MKLN1: variants seen among roughly 807,000 people sequenced by gnomAD.
MKLN1 encodes the protein muskelin.
A neutral mutation model predicts 99.0 loss-of-function variants in MKLN1; 18 were observed. The ratio of observed to expected loss-of-function variants is 0.18; its 90% CI spans 0.13 to 0.27. MKLN1 has a LOEUF of 0.27. Ranked by LOEUF, MKLN1 falls within the 10% of genes least tolerant of loss-of-function variation. The pLI, the probability that MKLN1 is intolerant of heterozygous loss-of-function variation, is 1.00. For missense variants in MKLN1, 621 were observed against 875.9 expected (o/e 0.71, Z 3.67); for synonymous variants, 288 against 293.2 (o/e 0.98, Z 0.18).
chr7:131,112,343 A>G (rs1795214228), intron 1 of MKLN1, among the ~76,000 whole-genome samples: 1 of 152,220 alleles, frequency 6.6e-6, no homozygotes, highest in African/African-American at 2.4e-5. Flanking sequence ...GGATTTTGCA[A>G]TGTTAAATTT....
chr7:131,226,418 G>A (rs1041290600), intron 3 of MKLN1, among the ~76,000 whole-genome samples: 2 of 152,334 alleles, frequency 1.3e-5, no homozygotes, highest in South Asian at 4.1e-4. Flanking sequence ...TTTCAGAGCC[G>A]TGACAGCCTC....
In MKLN1 at chr7:131,158,720, T is replaced by A. The variant is rs561005559; in HGVS notation, c.-297+15779T>A. On this transcript the variant is annotated intron_variant, in intron 2 of 7. Coordinates refer to the MKLN1 transcript ENST00000416992. The stretch of plus-strand genomic sequence containing the variant: ...ACCTTTATGAAAAGGACTGAGCACA[T>A]GGTAGAATAGAAAATGGTGCAAAAA... Among the ~76,000 whole-genome samples, 8 of 152,322 alleles carry A rather than the reference T, an allele frequency of 5.3e-5. 1 individual carries two copies. The South Asian group carries it at 1.7e-3, about 32-fold the overall frequency.
At chr7:131,243,435 C>T (rs1797437942) in intron 3 of MKLN1, among the ~76,000 whole-genome samples, 2 of 152,172 alleles carry the variant, frequency 1.3e-5, no homozygotes, top group African/African-American at 4.8e-5. Context: ...TACCCGCTTG[C>T]AACACATGAT....
At chr7:131,398,521 C>A (rs780333359) in intron 5 of MKLN1, among the ~76,000 whole-genome samples, 1 of 151,944 alleles carries the variant, frequency 6.6e-6, no homozygotes, top group African/African-American at 2.4e-5. Context: ...TGGTGAAACC[C>A]CGACTCTACT....
At chr7:131,419,970 A>G (rs1027173704) in intron 8 of MKLN1, among the ~76,000 whole-genome samples, 2 of 152,210 alleles carry the variant, frequency 1.3e-5, no homozygotes, top group African/African-American at 2.4e-5. Flanking sequence ...CGAGTCCTTT[A>G]AGGATCCTAT....
intron 3 of MKLN1, among the ~76,000 whole-genome samples, chr7:131,211,000 G>T (rs974057731): frequency 6.6e-6 from 1 of 151,660 alleles, no homozygotes; most frequent in African/African-American, 2.4e-5. Context: ...GGGCAACACT[G>T]TCCTGGACTA....
At chr7:131,432,766 A>G (rs1251430944) in intron 9 of MKLN1, among the ~76,000 whole-genome samples, 1 of 152,048 alleles carries the variant, frequency 6.6e-6, no homozygotes, top group Non-Finnish European at 1.5e-5. Context: ...ATTTTTGTAT[A>G]GTTTTCTAAA....
chr7:131,266,081 C>T (rs1404044710), intron 3 of MKLN1, among the ~76,000 whole-genome samples: 4 of 146,752 alleles, frequency 2.7e-5, no homozygotes, highest in Non-Finnish European at 4.4e-5. Context: ...GGCTGAGGCA[C>T]GAGAATCGCT....
intron 1 of MKLN1, among the ~76,000 whole-genome samples, chr7:131,110,722 A>G (rs1795181565): frequency 6.6e-6 from 1 of 152,098 alleles, no homozygotes; most frequent in Admixed American, 6.5e-5. Flanking sequence ...TCCCCTCACC[A>G]TCCTCCTTCC....
chr7:131,204,052 C>T (rs1300297618), intron 3 of MKLN1, among the ~76,000 whole-genome samples: 1 of 152,224 alleles, frequency 6.6e-6, no homozygotes, highest in Non-Finnish European at 1.5e-5. Context: ...CTTGCATCTC[C>T]TCATCCTGTA....
At chr7:131,123,487 C>T (rs1001770221) in intron 1 of MKLN1, among the ~76,000 whole-genome samples, 1 of 152,112 alleles carries the variant, frequency 6.6e-6, no homozygotes, top group African/African-American at 2.4e-5. Flanking sequence ...AATGTGATGG[C>T]CTGGGAAATA....
chr7:131,130,587 G>T (rs1206224233), intron 1 of MKLN1, among the ~76,000 whole-genome samples: 2 of 152,232 alleles, frequency 1.3e-5, no homozygotes, highest in Non-Finnish European at 2.9e-5. Context: ...TAATACGTAA[G>T]AAGATGACAG....
intron 6 of MKLN1, among the ~76,000 whole-genome samples, chr7:131,405,327 C>T (rs1794667984): frequency 6.6e-6 from 1 of 151,268 alleles, no homozygotes; most frequent in African/African-American, 2.4e-5. Flanking sequence ...TCTTGAGATG[C>T]CCCTTTTTTG....
intron 2 of MKLN1, among the ~76,000 whole-genome samples, chr7:131,384,727 T>C (rs934602139): frequency 2.6e-5 from 4 of 152,200 alleles, no homozygotes; most frequent in African/African-American, 9.6e-5. Context: ...GTAACCTGTG[T>C]TCATATATTC....
chr7:131,286,576 T>C (rs936618916), intron 3 of MKLN1, among the ~76,000 whole-genome samples: 5 of 152,206 alleles, frequency 3.3e-5, no homozygotes, highest in Admixed American at 6.5e-5. Context: ...GTAGAAATTG[T>C]TATTTTCCAT....
At chr7:131,304,645 A>G (rs1252794594) in intron 3 of MKLN1, among the ~76,000 whole-genome samples, 3 of 152,210 alleles carry the variant, frequency 2.0e-5, no homozygotes, top group Non-Finnish European at 2.9e-5. Flanking sequence ...TAAAGAAAAC[A>G]TGAATTTTGA....
At chr7:131,445,222 A>AT (rs200888105) in intron 11 of MKLN1, among the ~76,000 whole-genome samples, 3,123 of 149,606 alleles carry the variant, frequency 0.021, 82 homozygotes, top group African/African-American at 0.067. Context: ...CAAATTTTAG[A>AT]TTTTTTTTTT....
chr7:131,302,816 G>A (rs1165995124), intron 3 of MKLN1, among the ~76,000 whole-genome samples: 4 of 152,184 alleles, frequency 2.6e-5, no homozygotes, highest in Non-Finnish European at 4.4e-5. Flanking sequence ...TATAATTTAA[G>A]AATTAGCAGG....
At chr7:131,263,275 G>A (rs1275188186) in intron 3 of MKLN1, among the ~76,000 whole-genome samples, 3 of 151,652 alleles carry the variant, frequency 2.0e-5, no homozygotes, top group Non-Finnish European at 4.4e-5. Context: ...GGGAGGCCGA[G>A]ACAGGATTAC....
Sources: allele counts gnomAD v4.1 joint callset (sites outside exome capture counted in the v4.1 genomes callset), GRCh38; gene constraint gnomAD v4.1.1; transcripts MANE v1.5; gene names NCBI Gene and HGNC (gene_info 2026-07-23, HGNC 2026-07-21).